The following JAK1 variants were observed in gnomAD, a reference collection of about 807,000 sequenced individuals.
JAK1 encodes the protein tyrosine-protein kinase JAK1.
In JAK1, 16 loss-of-function variants were observed where a neutral mutation model predicts 136.6. The observed-to-expected ratio is 0.12, with a 90% CI of 0.08 to 0.18. The LOEUF (loss-of-function observed/expected upper bound fraction) is 0.18, where lower values mean the gene tolerates loss of function less well. Among genes scored for constraint, JAK1 ranks in the 10% least tolerant of loss-of-function variants. JAK1 has a pLI of 1.00. For synonymous variants in JAK1, 492 were observed against 519.5 expected (o/e 0.95, Z 0.72); for missense variants, 859 against 1,450.1 (o/e 0.59, Z 6.62).
intron 1 of JAK1, among the ~76,000 whole-genome samples, chr1:64,962,489 T>C (rs1646299271): frequency 6.6e-6 from 1 of 152,120 alleles, no homozygotes; most frequent in South Asian, 2.1e-4. Context: ...CCCTCAGAAG[T>C]GGAGGTATCA....
intron 1 of JAK1, among the ~76,000 whole-genome samples, chr1:64,922,347 C>G (rs1447775952): frequency 2.0e-5 from 3 of 152,250 alleles, no homozygotes; most frequent in Admixed American, 6.5e-5. Context: ...GTATCTTTAC[C>G]TTTAATTATA....
chr1:64,947,418 T>G (rs976604731), intron 1 of JAK1, among the ~76,000 whole-genome samples: 5 of 152,174 alleles, frequency 3.3e-5, no homozygotes, highest in Non-Finnish European at 7.3e-5. Flanking sequence ...TCAGGGAGAT[T>G]TGATAAACAG....
At chr1:64,865,140 AAAGAACT>A (rs1656616700) in intron 7 of JAK1, among the ~76,000 whole-genome samples, 168 bp from the exon 8 acceptor site, 1 of 152,220 alleles carries the variant, frequency 6.6e-6, no homozygotes, top group African/African-American at 2.4e-5. Flanking sequence ...GGTTAGGACC[AAAGAACT>A]GGGTTGTATC....
chr1:64,905,653 G>A (rs1570745377), intron 1 of JAK1, among the ~76,000 whole-genome samples: 1 of 152,044 alleles, frequency 6.6e-6, no homozygotes, highest in African/African-American at 2.4e-5. Flanking sequence ...AAATTTGCAC[G>A]CACCTCACCC....
Position 64,883,442 on chromosome 1 carries a change from C to A in JAK1, c.40G>T (p.Ala14Ser). Reference protein sequence around the residue: ...LNIKEDCNAMAFCAKMRSSKK... With the variant: ...LNIKEDCNAMSFCAKMRSSKK... ...GAGCTCCTCATTTTAGCACAGAAAG[C>A]CATGGCATTGCAGTCCTCTTTTATA... Residue 14 changes from alanine to serine, a missense_variant, in exon 3 of 25, where the codon GCT becomes TCT. By Grantham distance (99) the Ala-to-Ser change is moderately conservative. Transcript: ENST00000342505. 1 of 1,614,108 alleles carries A rather than the reference C, an allele frequency of 6.2e-7. No individual in the cohort carries two copies.
chr1:64,993,444 T>C (rs1343614535), intron 2 of JAK1: 2 of 152,104 alleles, frequency 1.3e-5, no homozygotes, highest in African/African-American at 4.8e-5. Context: ...ACAGTGTAGG[T>C]GCTCAAGAAA....
chr1:64,846,521 T>C (rs1655241032), intron 14 of JAK1, 128 bp downstream of exon 14: 1 of 674,778 alleles, frequency 1.5e-6, no homozygotes, highest in African/African-American at 1.8e-5. Context: ...AGTCCCTCAA[T>C]CTCCTCAACT....
At chr1:64,893,471 C>T (rs1644969619) in intron 1 of JAK1, among the ~76,000 whole-genome samples, 1 of 152,184 alleles carries the variant, frequency 6.6e-6, no homozygotes, top group African/African-American at 2.4e-5. Context: ...GTCACCCTAA[C>T]CTGGGTCCAG....
chr1:64,911,396 T>A (rs1206323166), intron 1 of JAK1, among the ~76,000 whole-genome samples: 2 of 152,126 alleles, frequency 1.3e-5, no homozygotes, highest in Non-Finnish European at 2.9e-5. Flanking sequence ...AACAGAGACA[T>A]ATGGTCACTC....
chr1:64,937,530 A>G (rs544621024), intron 1 of JAK1, among the ~76,000 whole-genome samples: 1 of 152,340 alleles, frequency 6.6e-6, no homozygotes, highest in Non-Finnish European at 1.5e-5. Flanking sequence ...TATCACTGTT[A>G]AACTTCAATT....
chr1:64,846,637 G>GAACA lies in JAK1; in HGVS notation c.1987+8_1987+11dup, dbSNP rs1557628687. 1 of 1,609,224 alleles carries GAACA rather than the reference G, an allele frequency of 6.2e-7. No individual in the cohort carries two copies. On this transcript the variant is annotated intron_variant, in intron 14 of 24. Transcript: ENST00000342505. ...CCAGGCCACCCACCCCTTTGAAAGAGAACACACTTACTCTCCACGTCGCGG... is the reference window on the plus strand; with the variant it reads ...CCAGGCCACCCACCCCTTTGAAAGAGAACAAACACACTTACTCTCCACGTCGCGG...
chr1:65,050,228 C>T (rs1009523020), intron 1 of JAK1, among the ~76,000 whole-genome samples: 3 of 152,150 alleles, frequency 2.0e-5, no homozygotes, highest in Non-Finnish European at 4.4e-5. Context: ...TGGGTAGAGC[C>T]ATGTTTCTTG....
chr1:64,898,593 C>T (rs1433884744), intron 1 of JAK1, among the ~76,000 whole-genome samples: 1 of 152,180 alleles, frequency 6.6e-6, no homozygotes, highest in South Asian at 2.1e-4. Context: ...CTGCAGATGA[C>T]AAAGAGATTA....
intron 2 of JAK1, among the ~76,000 whole-genome samples, chr1:65,040,398 A>T (rs1647119082): frequency 6.6e-6 from 1 of 151,936 alleles, no homozygotes; most frequent in East Asian, 1.9e-4. Flanking sequence ...CTGTCATCAC[A>T]TCTTCTCCGA....
chr1:64,952,217 G>A (rs1279213753), intron 1 of JAK1, among the ~76,000 whole-genome samples: 1 of 152,196 alleles, frequency 6.6e-6, no homozygotes. Context: ...AGGTTCATAA[G>A]GGGTGCAGAT....
intron 1 of JAK1, among the ~76,000 whole-genome samples, chr1:64,935,110 G>A (rs531102133): frequency 1.3e-5 from 2 of 152,230 alleles, no homozygotes; most frequent in South Asian, 4.1e-4. Context: ...GAACAAGAAC[G>A]CAGATGCATC....
At chr1:64,910,843 C>CAAAAAAA (rs369528546) in intron 1 of JAK1, among the ~76,000 whole-genome samples, 52 of 89,276 alleles carry the variant, frequency 5.8e-4, no homozygotes, top group East Asian at 2.2e-3. Context: ...GACTCTGTCT[C>CAAAAAAA]AAAAAAAAAA....
At chr1:64,917,949 A>T (rs11208537) in intron 1 of JAK1, among the ~76,000 whole-genome samples, 33,338 of 152,054 alleles carry the variant, frequency 0.22, 4,431 homozygotes, top group East Asian at 0.53. Context: ...CTTGACCCAG[A>T]GTTTCTGTTC....
At chr1:64,937,347 G>A (rs1645808264) in intron 1 of JAK1, among the ~76,000 whole-genome samples, 1 of 152,216 alleles carries the variant, frequency 6.6e-6, no homozygotes, top group Non-Finnish European at 1.5e-5. Context: ...TCTCATGCTC[G>A]GGCCACAGTC....
Sources: gnomAD v4.1 joint callset for allele counts (sites outside exome capture counted in the v4.1 genomes callset) on GRCh38, gnomAD v4.1.1 for gene constraint, MANE v1.5 for transcripts, NCBI Gene and HGNC (gene_info 2026-07-23, HGNC 2026-07-21) for gene names.